Variants in ANKFY1 observed in about 807,000 individuals in gnomAD.
The protein encoded by ANKFY1 is ankyrin repeat and FYVE domain-containing protein 1.
In ANKFY1, 47 loss-of-function variants were observed where a neutral mutation model predicts 128.3. That is an observed-to-expected ratio of 0.37 (90% CI 0.29 to 0.47). The LOEUF (loss-of-function observed/expected upper bound fraction) is 0.47. Among genes scored for constraint, ANKFY1 ranks in the 20% least tolerant of loss-of-function variants. The probability of loss-of-function intolerance (pLI) is 1.00; values close to 1 mark genes in which losing one functional copy is unlikely to be tolerated. For missense variants in ANKFY1, 1,222 were observed against 1,510.6 expected (o/e 0.81, Z 3.17); for synonymous variants, 553 against 601.6 (o/e 0.92, Z 1.18).
chr17:4,262,830 A>G (rs1056854524), intron 1 of ANKFY1, among the ~76,000 whole-genome samples: 3 of 152,180 alleles, frequency 2.0e-5, no homozygotes, highest in African/African-American at 7.2e-5. Flanking sequence ...CTTTATCAAT[A>G]AAGGCAAATA....
intron 1 of ANKFY1, among the ~76,000 whole-genome samples, chr17:4,259,829 A>C (rs1968311183): frequency 6.6e-6 from 1 of 152,188 alleles, no homozygotes; most frequent in Admixed American, 6.5e-5. Flanking sequence ...AGCAAAACAG[A>C]CCAAGTTCCT....
intron 8 of ANKFY1, 95 bp downstream of exon 8, chr17:4,197,278 T>A: frequency 7.5e-7 from 1 of 1,325,628 alleles, no homozygotes; most frequent in Admixed American, 1.8e-5. Flanking sequence ...AATGCCAAAC[T>A]AAAGAACATG....
At chr17:4,256,961 T>C (rs749479606) in intron 1 of ANKFY1, among the ~76,000 whole-genome samples, 2 of 152,296 alleles carry the variant, frequency 1.3e-5, no homozygotes, top group East Asian at 3.9e-4. Context: ...TAACTAGCCA[T>C]TTCCACCCCA....
Position 4,181,175 on chromosome 17 carries a change from A to G in ANKFY1, c.2240+79T>C. The G allele has an allele frequency of 2.5e-6, 3 of 1,200,966 alleles. No homozygotes were observed. The South Asian group carries it at 3.7e-5, about 15-fold the overall frequency. The allele number at this position is 1,200,966 out of a possible 1,614,324, so 74.4% of individuals were successfully genotyped here. On this transcript the variant is annotated intron_variant, in intron 16 of 24. Transcript: ENST00000341657. The surrounding 1 kb of genome is among the most constrained non-coding windows in gnomAD (Gnocchi z 4.9). The stretch of plus-strand genomic sequence containing the variant: ...CCGGCTACTGGCATGCCAAGACTAT[A>G]GACGGATTTAAAAAGGAAAGAGCCA...
At position 4,166,053 on chromosome 17, in the gene ANKFY1, T is replaced by G. The variant is rs934075349; in HGVS notation, c.*1726A>C. 5.3e-5 allele frequency: 8 copies of G among 152,220 alleles called. No homozygotes were observed. Among genetic ancestry groups the G allele is most frequent in the Non-Finnish European group, 1.0e-4 (7 of 68,030 alleles). 9.4% of individuals were successfully genotyped at this position (152,220 alleles called of 1,614,324 possible). On this transcript the variant is annotated 3_prime_UTR_variant, in exon 25 of 25. Transcript: ENST00000341657. ...ACATTCTGTATGAAATATGTCAGACTGGGGGACGGGGGATCTCTTCTAATT... is the reference window on the plus strand; with the variant it reads ...ACATTCTGTATGAAATATGTCAGACGGGGGGACGGGGGATCTCTTCTAATT...
In ANKFY1 at chr17:4,166,977, A is replaced by G. The variant is rs546180988; in HGVS notation, c.*802T>C. 6.6e-6 allele frequency: 1 copy of G among 152,652 alleles called. No homozygotes were observed. Among genetic ancestry groups the G allele is most frequent in the African/African-American group, 2.4e-5 (1 of 41,462 alleles). The allele number at this position is 152,652 out of a possible 1,614,324, so 9.5% of individuals were successfully genotyped here. A position where few individuals can be genotyped will look rare whatever the true frequency, so the allele number is the denominator to read the frequency against. On this transcript the variant is annotated 3_prime_UTR_variant, in exon 25 of 25. Transcript: ENST00000341657. ...TTGGAATCACCGACAATGCAGCTCT[A>G]TAAAAAGTGCAGCACAGTAAAAGTG...
At chr17:4,219,994 T>C (rs986011208) in intron 3 of ANKFY1, among the ~76,000 whole-genome samples, 16 of 152,130 alleles carry the variant, frequency 1.1e-4, no homozygotes, top group Admixed American at 3.3e-4. Flanking sequence ...AGCTAATTTT[T>C]TTGTATTTTT....
intron 4 of ANKFY1, among the ~76,000 whole-genome samples, chr17:4,215,960 C>G (rs544843435): frequency 8.9e-4 from 136 of 152,282 alleles, no homozygotes; most frequent in Non-Finnish European, 1.6e-3. Flanking sequence ...AACTGAATGT[C>G]CTCAATAATC....
At chr17:4,200,789 C>T (rs543008307) in intron 7 of ANKFY1, among the ~76,000 whole-genome samples, 142 of 152,268 alleles carry the variant, frequency 9.3e-4, no homozygotes, top group Non-Finnish European at 1.7e-3. Flanking sequence ...AGTGCAGACT[C>T]CTTTGAATCA....
chr17:4,222,030 C>T (rs1436365521), intron 3 of ANKFY1: 1 of 152,176 alleles, frequency 6.6e-6, no homozygotes, highest in Non-Finnish European at 1.5e-5. Flanking sequence ...CTGGCTGCCA[C>T]AGGCTAGCGG....
At chr17:4,204,815 T>C (rs1316897502) in intron 7 of ANKFY1, among the ~76,000 whole-genome samples, 1 of 152,040 alleles carries the variant, frequency 6.6e-6, no homozygotes, top group Non-Finnish European at 1.5e-5. Context: ...TGAATCACAC[T>C]CAGTGCTAAG....
intron 1 of ANKFY1, chr17:4,249,046 G>A (rs1431202944): frequency 2.7e-6 from 2 of 745,130 alleles, no homozygotes; most frequent in Non-Finnish European, 3.3e-6. Context: ...CTAAAATAAA[G>A]AGTGCAATGT....
intron 3 of ANKFY1, among the ~76,000 whole-genome samples, chr17:4,220,307 T>C (rs981121464): frequency 6.6e-6 from 1 of 152,104 alleles, no homozygotes; most frequent in East Asian, 1.9e-4. Context: ...ACCTCAGTAG[T>C]CATCGTAATG....
At position 4,189,115 on chromosome 17, in the gene ANKFY1, C is replaced by A. The variant is rs567223517; in HGVS notation, c.1470+267G>T. On this transcript the variant is annotated intron_variant, in intron 11 of 24. Transcript: ENST00000341657. ...CGCGTTTGCTAACCTCTATTAAAGT[C>A]CATAGCATCTAGTTCGGGGTCTGAT... Among the ~76,000 whole-genome samples the A allele has an allele frequency of 2.7e-4, 41 of 152,260 alleles. No homozygotes were observed. The South Asian group carries it at 8.1e-3, about 30-fold the overall frequency.
At chr17:4,252,553 AAAAC>A (rs910351029) in intron 1 of ANKFY1, among the ~76,000 whole-genome samples, 3 of 151,926 alleles carry the variant, frequency 2.0e-5, no homozygotes, top group African/African-American at 7.3e-5. Flanking sequence ...TGGGTAACAA[AAAAC>A]AAACAAACAA....
chr17:4,166,953 T>C lies in ANKFY1; in HGVS notation c.*826A>G, dbSNP rs2059221668. 2 of 152,638 alleles carry C rather than the reference T, an allele frequency of 1.3e-5. No individual in the cohort carries two copies. Among genetic ancestry groups the C allele is most frequent in the Admixed American group, 1.3e-4 (2 of 15,278 alleles). The allele number at this position is 152,638 out of a possible 1,614,324, so 9.5% of individuals were successfully genotyped here. A position where few individuals can be genotyped will look rare whatever the true frequency, so the allele number is the denominator to read the frequency against. On this transcript the variant is annotated 3_prime_UTR_variant, in exon 25 of 25. Coordinates refer to ENST00000341657, the MANE Select transcript of ANKFY1 (RefSeq NM_001330063.2). ...TATTTTTGAATATGGATTTTTAAATTGGAATCACCGACAATGCAGCTCTAT... is the reference window on the plus strand; with the variant it reads ...TATTTTTGAATATGGATTTTTAAATCGGAATCACCGACAATGCAGCTCTAT...
chr17:4,215,335 G>A (rs75785584), intron 4 of ANKFY1, among the ~76,000 whole-genome samples: 35 of 149,548 alleles, frequency 2.3e-4, no homozygotes, highest in African/African-American at 8.3e-4. Context: ...TGTGCCCTCC[G>A]TGGTAGAAAA....
At chr17:4,184,188 C>T (rs192393992) in intron 12 of ANKFY1, among the ~76,000 whole-genome samples, 2 of 152,266 alleles carry the variant, frequency 1.3e-5, no homozygotes, top group Admixed American at 6.5e-5. Context: ...ACTAAAAAGA[C>T]TAAAACAACG....
rs374496100 is a variant in ANKFY1 at position 4,172,604 on chromosome 17, A to G, written c.3091T>C (p.Cys1031Arg). Residue 1031 changes from cysteine (C) to arginine (R), a missense_variant, in exon 22 of 25, where the codon TGC becomes CGC. Physicochemically the swap from Cys to Arg is radical, Grantham distance 180. Transcript: ENST00000341657. ...TTGTCCAGAGGATACCCCGGCATGC[A>G]TTCTAGGAAGAGATCAAAGATGGCC... The part of the protein sequence containing the change: ...AAAIFDLFLE[C>R]MPGYPLDKPD... The G allele has an allele frequency of 2.5e-6, 4 of 1,614,136 alleles. No homozygotes were observed. The highest frequency in any genetic ancestry group is 3.4e-6 in the Non-Finnish European group (4 of 1,179,982).
Sources: allele counts gnomAD v4.1 joint callset (sites outside exome capture counted in the v4.1 genomes callset), GRCh38; gene constraint gnomAD v4.1.1; non-coding constraint Gnocchi (gnomAD v3.1); transcripts MANE v1.5; gene names NCBI Gene and HGNC (gene_info 2026-07-23, HGNC 2026-07-21).